Variants in PNPLA7 observed in about 807,000 individuals in gnomAD.
The protein encoded by PNPLA7 is patatin like domain 7, lysophospholipase.
PNPLA7 carries 153 observed loss-of-function variants against 161.7 expected under a neutral mutation model. The observed-to-expected ratio is 0.95, with a 90% CI of 0.83 to 1.08. PNPLA7 has a LOEUF of 1.08. PNPLA7 is among the 50% of genes least tolerant of loss of function. PNPLA7 has a pLI of 0.00. For synonymous variants in PNPLA7, 809 were observed against 782.1 expected (o/e 1.03, Z -0.57); for missense variants, 1,739 against 1,856.6 (o/e 0.94, Z 1.16).
At chr9:137,536,943 C>T (rs1445436865) in intron 8 of PNPLA7, among the ~76,000 whole-genome samples, 2 of 149,910 alleles carry the variant, frequency 1.3e-5, no homozygotes, top group African/African-American at 2.5e-5. Flanking sequence ...CTCCGAGCCA[C>T]ACTTCATCTC....
chr9:137,501,850 T>A, intron 14 of PNPLA7, 123 bp from the exon 15 acceptor site: 1 of 976,032 alleles, frequency 1.0e-6, no homozygotes, highest in Non-Finnish European at 1.5e-6. Context: ...GGCAAGGCCC[T>A]CCTCCGAGGC....
chr9:137,463,449 C>T lies in PNPLA7; in HGVS notation c.3309G>A (p.Leu1103=), dbSNP rs1831313718. Residue 1103 remains leucine, a synonymous_variant, in exon 29 of 35, where the codon CTG becomes CTA. Transcript: ENST00000406427. ...PPLCDPKDGH[L]LMDGGYINNL... ...TGTTGATGTAGCCCCCGTCCATCAG[C>T]AGGTGTCCGTCCTTCGGGTCACAGA... 1.2e-6 allele frequency: 2 copies of T among 1,601,658 alleles called. No homozygotes were observed. Among genetic ancestry groups the T allele is most frequent in the African/African-American group, 1.3e-5 (1 of 74,890 alleles).
intron 21 of PNPLA7, among the ~76,000 whole-genome samples, chr9:137,483,499 C>T (rs561553120): frequency 8.5e-5 from 13 of 152,192 alleles, no homozygotes; most frequent in South Asian, 8.3e-4. Flanking sequence ...CTGTCACCCA[C>T]GCTGGAGTGC....
At position 137,460,348 on chromosome 9, in the gene PNPLA7, C is replaced by T. The variant is rs771720147; in HGVS notation, c.*45G>A. The T allele has an allele frequency of 4.1e-5, 64 of 1,565,068 alleles. No homozygotes were observed. Among genetic ancestry groups the T allele is most frequent in the South Asian group, 3.2e-4 (28 of 88,036 alleles). ...TTGGCAGGAGCCTCAGCCTTGGGGA[C>T]AGTCCCACGGAAGACGCTGCATCCG... On this transcript the variant is annotated 3_prime_UTR_variant, in exon 35 of 35. Coordinates refer to ENST00000406427, the MANE Select transcript of PNPLA7 (RefSeq NM_001098537.3).
intron 21 of PNPLA7, among the ~76,000 whole-genome samples, chr9:137,482,606 G>T (rs915225440): frequency 6.6e-6 from 1 of 152,228 alleles, no homozygotes; most frequent in African/African-American, 2.4e-5. Context: ...CCACCTGCAG[G>T]GTCTCCTCCG....
At chr9:137,502,552 C>T (rs924155931) in intron 14 of PNPLA7, among the ~76,000 whole-genome samples, 5 of 144,806 alleles carry the variant, frequency 3.5e-5, no homozygotes, top group African/African-American at 1.3e-4. Flanking sequence ...AGGACGGCCG[C>T]TGACGGAGAG....
At chr9:137,494,983 T>C (rs770043022) in intron 19 of PNPLA7, 50 bp downstream of exon 19, 2 of 1,495,970 alleles carry the variant, frequency 1.3e-6, no homozygotes, top group East Asian at 2.3e-5. Flanking sequence ...CATGCCCTCA[T>C]CCACTCCACA....
In PNPLA7 at chr9:137,480,326, G is replaced by A. The variant is rs777402148; in HGVS notation, c.2566C>T (p.Pro856Ser). The A allele has an allele frequency of 7.4e-6, 12 of 1,612,344 alleles. No individual in the cohort carries two copies. Among genetic ancestry groups the A allele is most frequent in the Non-Finnish European group, 8.5e-6 (10 of 1,179,710 alleles). The change falls in exon 23 of 35, where the codon CCC (proline) becomes TCC (serine). Residue 856 changes from proline to serine, a missense_variant. Physicochemically the swap from Pro to Ser is moderately conservative, Grantham distance 74. Coordinates refer to ENST00000406427, the MANE Select transcript of PNPLA7 (RefSeq NM_001098537.3). ...CCCGTGCTCACCTCGCCCACTGTGG[G>A]CTCCTGGTCACCCAGGCCCACGATG... ...ILIVGLGDQE[P>S]TVGELERMLE...
chr9:137,502,328 A>G (rs1458463586), intron 14 of PNPLA7, among the ~76,000 whole-genome samples: 1 of 152,148 alleles, frequency 6.6e-6, no homozygotes. Flanking sequence ...TGATGATGAA[A>G]TAAAAATAAG....
At position 137,491,832 on chromosome 9, in the gene PNPLA7, A is replaced by T. The variant is rs1052705256; in HGVS notation, c.2197+1181T>A. ...CACACGCCAATGCCAGAGGCAGGTG[A>T]CAGGTCATGCAATGTGTCGGGGGTG... On this transcript the variant is annotated intron_variant, in intron 20 of 34. Coordinates refer to ENST00000406427, the MANE Select transcript of PNPLA7 (RefSeq NM_001098537.3). The T allele has an allele frequency of 7.8e-4, 771 of 985,442 alleles. 3 individuals carry two copies. The African/African-American group carries it at 0.013, about 16-fold the overall frequency. The allele number at this position is 985,442 out of a possible 1,614,324, so 61.0% of individuals were successfully genotyped here.
chr9:137,549,499 G>C (rs1836730585), intron 1 of PNPLA7, among the ~76,000 whole-genome samples: 1 of 151,706 alleles, frequency 6.6e-6, no homozygotes, highest in Admixed American at 6.6e-5. Context: ...GAACCTGGGA[G>C]GCAGAGCTTG....
chr9:137,478,117 C>T lies in PNPLA7; in HGVS notation c.2799G>A (p.Pro933=), dbSNP rs747746262. 18 of 1,350,804 alleles carry T rather than the reference C, an allele frequency of 1.3e-5. No homozygotes were observed. The highest frequency in any genetic ancestry group is 1.9e-4 in the Middle Eastern group (1 of 5,208). 83.7% of individuals were successfully genotyped at this position (1,350,804 alleles called of 1,614,324 possible). The stretch of plus-strand genomic sequence containing the variant: ...GGCGGGAGAAGTCTGAGTGTCGGTC[C>T]GGGGGCCGCTGGAAGACATGCTTGT... ...EMYKHVFQRP[P]DRHSDFSRLA... The change falls in exon 25 of 35, where the codon CCG becomes CCA. Residue 933 remains proline (P), a synonymous_variant. Coordinates refer to ENST00000406427, the MANE Select transcript of PNPLA7 (RefSeq NM_001098537.3).
In PNPLA7 at chr9:137,537,425, C is replaced by G. The variant is rs1410422968; in HGVS notation, c.747+3217G>C. 6.6e-6 allele frequency among the ~76,000 whole-genome samples: 1 copy of G among 152,084 alleles called. No homozygotes were observed. The highest frequency in any genetic ancestry group is 1.5e-5 in the Non-Finnish European group (1 of 68,026). On this transcript the variant is annotated intron_variant, in intron 8 of 34. Transcript: ENST00000406427. This position sits in a 1 kb window ranked among gnomAD's most constrained non-coding sequence, Gnocchi z 4.5. ...CTCCAAATCCCTGGTTCAAGGGATT[C>G]TCCTGCCTCAGCCTCCCGAGTAGCT...
At chr9:137,519,052 C>T (rs1177121218) in intron 11 of PNPLA7, among the ~76,000 whole-genome samples, 1 of 149,704 alleles carries the variant, frequency 6.7e-6, no homozygotes, top group Non-Finnish European at 1.5e-5. Context: ...TCACTCCATC[C>T]CACACTCACT....
In PNPLA7 at chr9:137,463,481, G is replaced by A. The variant is rs537471268; in HGVS notation, c.3277C>T (p.Pro1093Ser). Residue 1093 changes from proline to serine, a missense_variant, in exon 29 of 35, where the codon CCC (proline) becomes TCC (serine). Pro to Ser is a moderately conservative substitution (Grantham distance 74). Around this residue, in one of 6 missense-constraint regions of PNPLA7, gnomAD observed 703 missense variants for 694.6 expected, o/e 1.01. Transcript: ENST00000406427. ...RASMSLSGYM[P>S]PLCDPKDGHL... Reference sequence around the variant, plus strand: ...CCGTCCTTCGGGTCACAGAGAGGGGGCATGTAACCGGACAGGGACATGCTG... The same window carrying A: ...CCGTCCTTCGGGTCACAGAGAGGGGACATGTAACCGGACAGGGACATGCTG... The A allele has an allele frequency of 3.0e-5, 47 of 1,592,136 alleles. No homozygotes were observed. Among genetic ancestry groups the A allele is most frequent in the East Asian group, 6.8e-5 (3 of 43,882 alleles).
In PNPLA7 at chr9:137,467,174, T is replaced by A. The variant is rs1017124057; in HGVS notation, c.3039+143A>T. 9 of 1,166,416 alleles carry A rather than the reference T, an allele frequency of 7.7e-6. No individual in the cohort carries two copies. In the Admixed American group the frequency reaches 2.6e-4, roughly 34 times the overall value. The allele number at this position is 1,166,416 out of a possible 1,614,324, so 72.3% of individuals were successfully genotyped here. On this transcript the variant is annotated intron_variant, in intron 26 of 34. Transcript: ENST00000406427. The surrounding 1 kb of genome is among the most constrained non-coding windows in gnomAD (Gnocchi z 5.1). Reference sequence around the variant, plus strand: ...TGTGGTGCTCCTTTGCCTCACAAGCTGCACTGGGAGGCTTCAGGGGGTAGC... The same window carrying A: ...TGTGGTGCTCCTTTGCCTCACAAGCAGCACTGGGAGGCTTCAGGGGGTAGC...
chr9:137,499,491 A>G lies in PNPLA7; in HGVS notation c.1757+1200T>C. Among the ~76,000 whole-genome samples the G allele has an allele frequency of 6.6e-6, 1 of 152,186 alleles. No individual in the cohort carries two copies. Among genetic ancestry groups the G allele is most frequent in the East Asian group, 1.9e-4 (1 of 5,192 alleles). On this transcript the variant is annotated intron_variant, in intron 16 of 34. Coordinates refer to ENST00000406427, the MANE Select transcript of PNPLA7 (RefSeq NM_001098537.3). The surrounding 1 kb of genome is among the most constrained non-coding windows in gnomAD (Gnocchi z 5.5). ...TGGCACTGATGTGGAGCAGCTGGGG[A>G]TGCTCAGGAGGGAGATGGGTCCAGC...
At chr9:137,528,801 C>T (rs992608329) in intron 8 of PNPLA7, among the ~76,000 whole-genome samples, 1 of 151,652 alleles carries the variant, frequency 6.6e-6, no homozygotes, top group Non-Finnish European at 1.5e-5. Flanking sequence ...CCCGGGTTCA[C>T]GCCATTCTCC....
chr9:137,504,710 C>T (rs1214356069), intron 14 of PNPLA7, among the ~76,000 whole-genome samples: 3 of 151,306 alleles, frequency 2.0e-5, no homozygotes, highest in East Asian at 3.9e-4. Flanking sequence ...CAGAAGGAGT[C>T]CTTAACCGTT....
Sources: allele counts gnomAD v4.1 joint callset (sites outside exome capture counted in the v4.1 genomes callset), GRCh38; gene constraint gnomAD v4.1.1; regional missense constraint gnomAD v4.1.1; non-coding constraint Gnocchi (gnomAD v3.1); transcripts MANE v1.5; gene names NCBI Gene and HGNC (gene_info 2026-07-23, HGNC 2026-07-21).